VAV3: variants seen among roughly 807,000 people sequenced by gnomAD.
VAV3 encodes the protein vav guanine nucleotide exchange factor 3.
A neutral mutation model predicts 131.2 loss-of-function variants in VAV3; 94 were observed. That is an observed-to-expected ratio of 0.72 (90% confidence interval 0.61 to 0.85). VAV3 has a LOEUF of 0.85. Among genes scored for constraint, VAV3 ranks in the 40% least tolerant of loss-of-function variants. The probability of loss-of-function intolerance (pLI) is 0.00; values close to 1 mark genes in which losing one functional copy is unlikely to be tolerated. For synonymous variants in VAV3, 349 were observed against 342.0 expected (o/e 1.02, Z -0.22); for missense variants, 939 against 1,002.7 (o/e 0.94, Z 0.86).
chr1:107,609,613 A>AT (rs1254775768), intron 22 of VAV3: 1 of 229,334 alleles, frequency 4.4e-6, no homozygotes, highest in Non-Finnish European at 8.4e-6. Context: ...ATGAAAGCAT[A>AT]TTTTTCTCTC....
At chr1:107,743,637 T>C (rs1384729207) in intron 15 of VAV3, among the ~76,000 whole-genome samples, 3 of 152,212 alleles carry the variant, frequency 2.0e-5, no homozygotes, top group African/African-American at 4.8e-5. Context: ...ACGATAAATA[T>C]TTGCAGAATG....
rs1466993830 is a variant in VAV3, at chr1:107,574,176, GC to G, written c.2372del (p.Gly791AlafsTer14). 4.3e-6 allele frequency: 7 copies of G among 1,613,762 alleles called. No individual in the cohort carries two copies. In the South Asian group the frequency reaches 7.7e-5, roughly 18 times the overall value. On this transcript the variant is annotated frameshift_variant, in exon 26 of 27. Transcript: ENST00000370056. LOFTEE classifies it high-confidence loss of function. ...AGAAGTCATACCGAGCGATGGCAAT[GC>G]CCAGCACTTTTGGACTTAACACTGT... ...GNSLLSPKVL[G>X]IAIARYDFCA...
intron 24 of VAV3, among the ~76,000 whole-genome samples, chr1:107,601,479 C>CT (rs1344382388): frequency 6.6e-6 from 1 of 152,106 alleles, no homozygotes; most frequent in Non-Finnish European, 1.5e-5. Flanking sequence ...CTGCAAAGTG[C>CT]TTTGAGATGT....
chr1:107,614,713 C>G (rs1410405), intron 21 of VAV3, among the ~76,000 whole-genome samples: 27,896 of 152,052 alleles, frequency 0.18, 2,777 homozygotes, highest in East Asian at 0.31. Context: ...CTATATACAG[C>G]TAGGGACTTG....
chr1:107,664,268 G>T (rs1279363812), intron 19 of VAV3, among the ~76,000 whole-genome samples: 1 of 151,982 alleles, frequency 6.6e-6, no homozygotes, highest in Non-Finnish European at 1.5e-5. Context: ...CTGCCATGGT[G>T]GTTTGCTGCA....
intron 2 of VAV3, among the ~76,000 whole-genome samples, chr1:107,831,413 A>C (rs1335436271): frequency 6.6e-6 from 1 of 152,222 alleles, no homozygotes; most frequent in Non-Finnish European, 1.5e-5. Context: ...AGCAAAGATA[A>C]GCATAGTTTT....
At chr1:107,882,453 A>G (rs1670828393) in intron 1 of VAV3, among the ~76,000 whole-genome samples, 2 of 152,158 alleles carry the variant, frequency 1.3e-5, no homozygotes, top group South Asian at 2.1e-4. Context: ...CCGATTTACA[A>G]ACATTAAGGT....
chr1:107,710,989 C>T (rs994698256), intron 15 of VAV3, among the ~76,000 whole-genome samples: 5 of 152,030 alleles, frequency 3.3e-5, no homozygotes, highest in African/African-American at 9.7e-5. Context: ...AACACTATCA[C>T]AATTATATTG....
chr1:107,576,207 G>C (rs1235668877), intron 25 of VAV3, among the ~76,000 whole-genome samples: 2 of 151,998 alleles, frequency 1.3e-5, no homozygotes, highest in African/African-American at 2.4e-5. Context: ...ACAAACACCA[G>C]AGGAGTGAAA....
chr1:107,889,881 C>A (rs990568323), intron 1 of VAV3, among the ~76,000 whole-genome samples: 1 of 152,144 alleles, frequency 6.6e-6, no homozygotes, highest in African/African-American at 2.4e-5. Context: ...ACATTTAATT[C>A]ATTGAAATCG....
intron 10 of VAV3, among the ~76,000 whole-genome samples, chr1:107,757,800 CTTCT>C (rs1664197566): frequency 6.6e-6 from 1 of 152,078 alleles, no homozygotes; most frequent in Admixed American, 6.6e-5. Flanking sequence ...TTCATAGTTT[CTTCT>C]TTATCTGCTT....
intron 1 of VAV3, among the ~76,000 whole-genome samples, chr1:107,959,933 A>G (rs6686831): frequency 0.11 from 16,944 of 152,186 alleles, 1,765 homozygotes; most frequent in African/African-American, 0.28. Flanking sequence ...TTCTCAGGGC[A>G]AAAATTCTGG....
At chr1:107,930,845 G>A (rs891021624) in intron 1 of VAV3, among the ~76,000 whole-genome samples, 5 of 152,018 alleles carry the variant, frequency 3.3e-5, no homozygotes, top group African/African-American at 7.2e-5. Flanking sequence ...ACACTGCATC[G>A]GCTATGATGT....
chr1:107,900,736 AAGATATGCTC>A (rs1671813017), intron 1 of VAV3, among the ~76,000 whole-genome samples: 1 of 152,194 alleles, frequency 6.6e-6, no homozygotes, highest in Non-Finnish European at 1.5e-5. Flanking sequence ...GGACATGGAG[AAGATATGCTC>A]AGTTAACCGA....
chr1:107,851,870 C>T (rs1669248150), intron 2 of VAV3, among the ~76,000 whole-genome samples: 1 of 151,984 alleles, frequency 6.6e-6, no homozygotes, highest in Non-Finnish European at 1.5e-5. Context: ...GTAACTGATG[C>T]TATTTTACGA....
At chr1:107,586,409 C>G (rs1650499096) in intron 25 of VAV3, among the ~76,000 whole-genome samples, 2 of 151,988 alleles carry the variant, frequency 1.3e-5, no homozygotes, top group Non-Finnish European at 2.9e-5. Flanking sequence ...GATGCAACAA[C>G]TAAACAGTAA....
chr1:107,852,964 CCTAT>C (rs1368775227), intron 2 of VAV3, among the ~76,000 whole-genome samples: 4 of 152,024 alleles, frequency 2.6e-5, no homozygotes, highest in South Asian at 2.1e-4. Context: ...AAAAGATTTG[CCTAT>C]CTAATAGACA....
chr1:107,816,016 G>A (rs950349782), intron 2 of VAV3, among the ~76,000 whole-genome samples: 4 of 152,120 alleles, frequency 2.6e-5, no homozygotes, highest in African/African-American at 9.7e-5. Context: ...GCACTTCTAT[G>A]GGAATCCAGT....
At chr1:107,932,211 ACAG>A (rs1475505831) in intron 1 of VAV3, among the ~76,000 whole-genome samples, 1 of 152,256 alleles carries the variant, frequency 6.6e-6, no homozygotes, top group Non-Finnish European at 1.5e-5. Context: ...TACCCAAATC[ACAG>A]CACGAGAGAT....
Sources: gnomAD v4.1 joint callset for allele counts (sites outside exome capture counted in the v4.1 genomes callset) on GRCh38, gnomAD v4.1.1 for gene constraint, MANE v1.5 for transcripts, NCBI Gene and HGNC (gene_info 2026-07-23, HGNC 2026-07-21) for gene names.